The following PRKCE variants were observed in gnomAD, a reference collection of about 807,000 sequenced individuals.
PRKCE encodes protein kinase C epsilon, also known as protein kinase C epsilon type.
A neutral mutation model predicts 85.4 loss-of-function variants in PRKCE; 16 were observed. The ratio of observed to expected loss-of-function variants is 0.19; its 90% CI spans 0.13 to 0.28. The LOEUF is 0.28. Ranked by LOEUF, PRKCE falls within the 10% of genes least tolerant of loss-of-function variation. PRKCE has a pLI of 1.00. For synonymous variants in PRKCE, 388 were observed against 371.5 expected (o/e 1.04, Z -0.51); for missense variants, 573 against 975.2 (o/e 0.59, Z 5.49).
In PRKCE at chr2:45,730,499, G is replaced by A. The variant is rs1417288649; in HGVS notation, c.348+78051G>A. On this transcript the variant is annotated intron_variant, in intron 1 of 14. Coordinates refer to ENST00000306156, the MANE Select transcript of PRKCE (RefSeq NM_005400.3). ...TCCCGAGACAGAGTCTCACCCTGTT[G>A]CCCAGGCTCGAGTACAGTGGCACAA... Among the ~76,000 whole-genome samples the A allele has an allele frequency of 4.2e-5, 6 of 143,874 alleles. No individual in the cohort carries two copies. The East Asian group carries it at 1.2e-3, about 29-fold the overall frequency. 94.4% of individuals were successfully genotyped at this position (143,874 alleles called of 152,430 possible). A position where few individuals can be genotyped will look rare whatever the true frequency, so the allele number is the denominator to read the frequency against.
At chr2:45,675,435 T>C (rs1331982259) in intron 1 of PRKCE, 1 of 152,228 alleles carries the variant, frequency 6.6e-6, no homozygotes. Context: ...TACACTGTCA[T>C]TTATACATAA....
intron 10 of PRKCE, among the ~76,000 whole-genome samples, chr2:46,026,343 T>C (rs1201162544): frequency 6.6e-6 from 1 of 152,116 alleles, no homozygotes; most frequent in East Asian, 1.9e-4. Context: ...TTAGACTTCA[T>C]GGGTAGAGGA....
chr2:45,682,786 C>G (rs1677010374), intron 1 of PRKCE, among the ~76,000 whole-genome samples: 1 of 152,106 alleles, frequency 6.6e-6, no homozygotes, highest in African/African-American at 2.4e-5. Flanking sequence ...GGGGTTTCAT[C>G]ATGTTTCAAC....
At position 46,074,653 on chromosome 2, in the gene PRKCE, ACT is replaced by A. The variant is rs1351252490; in HGVS notation, c.1438-11552_1438-11551del. ...TGTTGGTACAGGAACTGATAAGGTG[ACT>A]CTTGAGTTTCTGGAATCAGAGTGGC... On this transcript the variant is annotated intron_variant, in intron 10 of 14. Coordinates refer to ENST00000306156, the MANE Select transcript of PRKCE (RefSeq NM_005400.3). Among the ~76,000 whole-genome samples the A allele has an allele frequency of 2.6e-5, 4 of 151,922 alleles. No individual in the cohort carries two copies. The East Asian group carries it at 7.7e-4, about 29-fold the overall frequency.
intron 13 of PRKCE, 122 bp downstream of exon 13, chr2:46,151,351 T>A: frequency 2.8e-6 from 3 of 1,067,122 alleles, no homozygotes; most frequent in Non-Finnish European, 4.0e-6. Flanking sequence ...CTGTCCAGCT[T>A]TCTCCCTCCC....
At chr2:45,925,138 C>T (rs963198113) in intron 2 of PRKCE, among the ~76,000 whole-genome samples, 3 of 152,090 alleles carry the variant, frequency 2.0e-5, no homozygotes, top group African/African-American at 7.2e-5. Flanking sequence ...TACTGGGCAG[C>T]CAGGACATGA....
chr2:46,167,887 G>A (rs1678497559), intron 14 of PRKCE: 1 of 152,208 alleles, frequency 6.6e-6, no homozygotes, highest in Non-Finnish European at 1.5e-5. Context: ...TGAAGTGGTA[G>A]CAGTCACCAG....
intron 1 of PRKCE, among the ~76,000 whole-genome samples, chr2:45,818,929 C>T (rs1195265022): frequency 6.6e-6 from 1 of 152,092 alleles, no homozygotes; most frequent in Non-Finnish European, 1.5e-5. Context: ...AGTATGAAGG[C>T]TTTGAATGCT....
intron 5 of PRKCE, among the ~76,000 whole-genome samples, chr2:45,982,599 T>C (rs1702983073): frequency 6.6e-6 from 1 of 152,194 alleles, no homozygotes; most frequent in Non-Finnish European, 1.5e-5. Flanking sequence ...TTCCTCTCCA[T>C]GTTCTCTCTG....
intron 9 of PRKCE, among the ~76,000 whole-genome samples, chr2:46,008,095 A>C (rs533190824): frequency 1.4e-4 from 22 of 152,240 alleles, no homozygotes; most frequent in Non-Finnish European, 2.8e-4. Context: ...CCTAGGGTTT[A>C]AAGCAAATTT....
At chr2:46,017,799 T>C (rs1574242384) in intron 10 of PRKCE, among the ~76,000 whole-genome samples, 1 of 152,216 alleles carries the variant, frequency 6.6e-6, no homozygotes, top group Non-Finnish European at 1.5e-5. Flanking sequence ...TCCCTAGTGA[T>C]TTGTGGTCAC....
intron 1 of PRKCE, among the ~76,000 whole-genome samples, chr2:45,691,167 C>T (rs752563801): frequency 2.6e-5 from 4 of 152,124 alleles, no homozygotes; most frequent in Non-Finnish European, 5.9e-5. Context: ...GAGCTGTGTC[C>T]GTCAGTGGGC....
intron 2 of PRKCE, among the ~76,000 whole-genome samples, chr2:45,889,868 A>C (rs1695586521): frequency 6.6e-6 from 1 of 152,244 alleles, no homozygotes; most frequent in Admixed American, 6.5e-5. Flanking sequence ...TGTGGGCTGC[A>C]ACTGCATGAG....
At chr2:45,838,277 C>T (rs1691056979) in intron 1 of PRKCE, among the ~76,000 whole-genome samples, 4 of 152,204 alleles carry the variant, frequency 2.6e-5, no homozygotes, top group Non-Finnish European at 2.9e-5. Flanking sequence ...GTTGGCCAGG[C>T]AGGGCTGGGG....
At chr2:46,044,557 CTTGAG>C (rs1026900710) in intron 10 of PRKCE, among the ~76,000 whole-genome samples, 1 of 152,084 alleles carries the variant, frequency 6.6e-6, no homozygotes, top group Admixed American at 6.5e-5. Flanking sequence ...CCATCTTGCT[CTTGAG>C]TTGAGAGAGT....
chr2:46,062,054 G>A (rs1354876624), intron 10 of PRKCE, among the ~76,000 whole-genome samples: 1 of 151,588 alleles, frequency 6.6e-6, no homozygotes, highest in Admixed American at 6.6e-5. Flanking sequence ...TAGAGACAGG[G>A]TTTCGCCATG....
intron 1 of PRKCE, among the ~76,000 whole-genome samples, chr2:45,719,198 G>A (rs1033624876): frequency 2.2e-4 from 34 of 152,360 alleles, no homozygotes; most frequent in African/African-American, 7.9e-4. Context: ...CTTTGGCACT[G>A]TTGGCTGGTC....
chr2:45,868,009 C>G, intron 2 of PRKCE, among the ~76,000 whole-genome samples: 1 of 152,032 alleles, frequency 6.6e-6, no homozygotes, highest in Non-Finnish European at 1.5e-5. Flanking sequence ...TTTGATGCCT[C>G]ATTCCCGCCA....
At chr2:45,963,048 T>C (rs745463522) in intron 2 of PRKCE, among the ~76,000 whole-genome samples, 2 of 152,140 alleles carry the variant, frequency 1.3e-5, no homozygotes, top group East Asian at 1.9e-4. Context: ...GTGGAAAGAC[T>C]TGGGGCTTGT....
Sources: allele counts gnomAD v4.1 joint callset (sites outside exome capture counted in the v4.1 genomes callset), GRCh38; gene constraint gnomAD v4.1.1; transcripts MANE v1.5; gene names NCBI Gene and HGNC (gene_info 2026-07-23, HGNC 2026-07-21).